CEP70: variants seen among roughly 807,000 people sequenced by gnomAD.
CEP70 encodes the protein centrosomal protein 70, also known as centrosomal protein of 70 kDa.
In CEP70, 70 loss-of-function variants were observed where a neutral mutation model predicts 90.9. The observed-to-expected ratio is 0.77, with a 90% CI of 0.64 to 0.94. The LOEUF is 0.94. Among genes scored for constraint, CEP70 ranks in the 40% least tolerant of loss-of-function variants. The pLI is 0.00. For missense variants in CEP70, 648 were observed against 669.0 expected, an observed-to-expected ratio of 0.97 and a Z score of 0.35; for synonymous variants, 220 against 228.3, an observed-to-expected ratio of 0.96 and a Z score of 0.33.
intron 6 of CEP70, among the ~76,000 whole-genome samples, chr3:138,569,691 A>C (rs2041033845): frequency 6.6e-6 from 1 of 152,104 alleles, no homozygotes; most frequent in Non-Finnish European, 1.5e-5. Flanking sequence ...AACATGGCAA[A>C]AGCCTGTCTC....
At chr3:138,544,384 T>C (rs1236515639) in intron 6 of CEP70, among the ~76,000 whole-genome samples, 1 of 147,798 alleles carries the variant, frequency 6.8e-6, no homozygotes, top group Non-Finnish European at 1.5e-5. Context: ...CTGGTGAGGA[T>C]ATAGAGAAAG....
chr3:138,570,646 C>G, intron 5 of CEP70, 148 bp from the exon 6 acceptor site: 2 of 624,452 alleles, frequency 3.2e-6, no homozygotes, highest in Non-Finnish European at 5.2e-6. Context: ...ATTCATATTT[C>G]AGATTTTTTC....
intron 2 of CEP70, among the ~76,000 whole-genome samples, chr3:138,589,444 T>C (rs768335300): frequency 3.3e-5 from 5 of 150,094 alleles, no homozygotes; most frequent in Non-Finnish European, 7.4e-5. Flanking sequence ...CACTTGAGCC[T>C]GGGTTCATGA....
At chr3:138,497,254 A>G in intron 17 of CEP70, 1 of 1,267,298 alleles carries the variant, frequency 7.9e-7, no homozygotes, top group South Asian at 1.3e-5. Context: ...TATTCTTCTT[A>G]TCAAGTTTTC....
At position 138,505,353 on chromosome 3, in the gene CEP70, C is replaced by T; in HGVS notation, c.1163G>A (p.Gly388Glu). 3 of 1,612,696 alleles carry T rather than the reference C, an allele frequency of 1.9e-6. No homozygotes were observed. Among genetic ancestry groups the T allele is most frequent in the Non-Finnish European group, 2.5e-6 (3 of 1,179,452 alleles). ...TATTACAGGAACAAGATGCTCAAAT[C>T]CACAATCTTGAACAAGATCTTTATT... ...NFNKDLVQDC[G>E]FEHLVPVIEM... Residue 388 changes from glycine to glutamate, a missense_variant, in exon 13 of 18, where the codon GGA becomes GAA. Coordinates refer to ENST00000264982, the MANE Select transcript of CEP70 (RefSeq NM_024491.4).
At chr3:138,499,783 T>TACACACACACACAC (rs56826450) in intron 16 of CEP70, 45 of 193,206 alleles carry the variant, frequency 2.3e-4, no homozygotes, top group African/African-American at 9.9e-4. Context: ...TCTCTCTCTC[T>TACACACACACACAC]ACACACACAC....
rs560035845 is a variant in CEP70 at position 138,575,090 on chromosome 3, T to C, written c.-5-2158A>G. Among the ~76,000 whole-genome samples, 13 of 152,274 alleles carry C rather than the reference T, an allele frequency of 8.5e-5. No homozygotes were observed. In the South Asian group the frequency reaches 1.9e-3, roughly 22 times the overall value. ...TCACTAGCAACAGAACAAAGCTGGA[T>C]GGAGAATGACTTTGACGAGTTGACA... On this transcript the variant is annotated intron_variant, in intron 2 of 17. Coordinates refer to ENST00000264982, the MANE Select transcript of CEP70 (RefSeq NM_024491.4).
At chr3:138,532,697 T>C (rs997380420) in intron 7 of CEP70, 127 bp from the exon 8 acceptor site, 7 of 830,646 alleles carry the variant, frequency 8.4e-6, no homozygotes, top group Non-Finnish European at 6.6e-6. Flanking sequence ...CTTTAAAAAA[T>C]TTAAGTGATT....
intron 2 of CEP70, among the ~76,000 whole-genome samples, chr3:138,575,473 G>C (rs190483353): frequency 0.013 from 1,951 of 152,262 alleles, 44 homozygotes; most frequent in African/African-American, 0.043. Context: ...ATCTATGTCT[G>C]TTTGGTGTAC....
chr3:138,589,847 T>C lies in CEP70; in HGVS notation c.-6+2007A>G, dbSNP rs1056301558. The stretch of plus-strand genomic sequence containing the variant: ...AGCCAAAGACTTTATATCTGCAAAA[T>C]TGACTTTGAAGTATAAAAAGAATAA... On this transcript the variant is annotated intron_variant, in intron 2 of 17. Coordinates refer to ENST00000264982, the MANE Select transcript of CEP70 (RefSeq NM_024491.4). 5.3e-5 allele frequency among the ~76,000 whole-genome samples: 8 copies of C among 152,218 alleles called. No individual in the cohort carries two copies. In the East Asian group the frequency reaches 5.8e-4, roughly 11 times the overall value.
At chr3:138,563,158 A>C (rs1465120243) in intron 6 of CEP70, among the ~76,000 whole-genome samples, 1 of 152,198 alleles carries the variant, frequency 6.6e-6, no homozygotes, top group Non-Finnish European at 1.5e-5. Flanking sequence ...ACTATCCTAA[A>C]TATATATGCA....
intron 10 of CEP70, among the ~76,000 whole-genome samples, chr3:138,526,004 A>G (rs1157002484): frequency 6.6e-6 from 1 of 152,068 alleles, no homozygotes; most frequent in Non-Finnish European, 1.5e-5. Context: ...TCCTCAATTC[A>G]TTGTTCATTA....
At chr3:138,506,741 A>G (rs2035020673) in intron 12 of CEP70, among the ~76,000 whole-genome samples, 1 of 152,044 alleles carries the variant, frequency 6.6e-6, no homozygotes, top group African/African-American at 2.4e-5. Context: ...ATGTATGTAT[A>G]TTTGTTTTAT....
At chr3:138,503,999 T>C (rs1247504049) in intron 13 of CEP70, among the ~76,000 whole-genome samples, 1 of 152,246 alleles carries the variant, frequency 6.6e-6, no homozygotes, top group African/African-American at 2.4e-5. Context: ...AACTATCCAT[T>C]AGTGTGATTC....
chr3:138,591,427 A>G (rs2042378939), intron 2 of CEP70, among the ~76,000 whole-genome samples: 1 of 152,102 alleles, frequency 6.6e-6, no homozygotes, highest in Non-Finnish European at 1.5e-5. Flanking sequence ...GGGATACTCA[A>G]CCTGCAGAGC....
intron 17 of CEP70, chr3:138,496,466 T>G: frequency 2.0e-6 from 2 of 985,458 alleles, no homozygotes; most frequent in Non-Finnish European, 2.4e-6. Flanking sequence ...GATCAAGGTA[T>G]TCCCTGACTC....
chr3:138,525,472 T>G lies in CEP70; in HGVS notation c.944+18A>C, dbSNP rs776266720. The G allele has an allele frequency of 9.5e-6, 11 of 1,158,642 alleles. No individual in the cohort carries two copies. The African/African-American group carries it at 1.4e-4, about 15-fold the overall frequency. 71.8% of individuals were successfully genotyped at this position (1,158,642 alleles called of 1,614,324 possible). On this transcript the variant is annotated intron_variant, in intron 11 of 17. Coordinates refer to ENST00000264982, the MANE Select transcript of CEP70 (RefSeq NM_024491.4). ...AAAATCCTAATAAAAGAGGCAATTT[T>G]GGTAAAAATATAATTACTTGACGTT...
intron 7 of CEP70, 75 bp downstream of exon 7, chr3:138,537,103 G>T: frequency 9.3e-7 from 1 of 1,076,614 alleles, no homozygotes. Context: ...CCACCCCCAA[G>T]ATAATATCAG....
intron 11 of CEP70, among the ~76,000 whole-genome samples, chr3:138,522,153 G>A (rs768199182): frequency 1.9e-4 from 29 of 152,058 alleles, no homozygotes; most frequent in South Asian, 4.2e-4. Flanking sequence ...GCGGAAGGCC[G>A]CAGGGTCCTC....
Sources: allele counts gnomAD v4.1 joint callset (sites outside exome capture counted in the v4.1 genomes callset), GRCh38; gene constraint gnomAD v4.1.1; transcripts MANE v1.5; gene names NCBI Gene and HGNC (gene_info 2026-07-23, HGNC 2026-07-21).